Variants in TUSC3 observed in about 807,000 individuals in gnomAD.
The protein encoded by TUSC3 is dolichyl-diphosphooligosaccharide--protein glycosyltransferase subunit TUSC3.
A neutral mutation model predicts 44.8 loss-of-function variants in TUSC3; 45 were observed. The observed-to-expected ratio is 1.00, with a 90% CI of 0.79 to 1.29. The LOEUF (loss-of-function observed/expected upper bound fraction) is 1.29, where lower values mean the gene tolerates loss of function less well. TUSC3 is among the 50% of genes most tolerant of loss of function. The pLI, the probability that TUSC3 is intolerant of heterozygous loss-of-function variation, is 0.00. For missense variants in TUSC3, 519 were observed against 437.9 expected (o/e 1.19, Z -1.65); for synonymous variants, 212 against 152.9 (o/e 1.39, Z -2.85).
chr8:15,524,094 T>C (rs979822972), intron 2 of TUSC3, among the ~76,000 whole-genome samples: 3 of 151,952 alleles, frequency 2.0e-5, no homozygotes, highest in Admixed American at 1.3e-4. Context: ...TGTGTTTGGT[T>C]TGCATTTGAT....
intron 2 of TUSC3, among the ~76,000 whole-genome samples, chr8:15,527,594 A>G (rs1035407901): frequency 3.3e-5 from 5 of 152,278 alleles, no homozygotes; most frequent in South Asian, 4.1e-4. Context: ...TTTGAGAGCT[A>G]TGGTCTTACT....
At chr8:15,566,964 T>C (rs1395719935) in intron 1 of TUSC3, among the ~76,000 whole-genome samples, 1 of 152,134 alleles carries the variant, frequency 6.6e-6, no homozygotes, top group Non-Finnish European at 1.5e-5. Context: ...CATATTTTGG[T>C]CTTCACTTAG....
Position 15,476,352 on chromosome 8 carries a change from A to G in TUSC3, n.92-7034A>G, listed in dbSNP as rs1045625661. 3.3e-5 allele frequency among the ~76,000 whole-genome samples: 5 copies of G among 152,036 alleles called. 1 individual carries two copies. The East Asian group carries it at 5.8e-4, about 18-fold the overall frequency. On this transcript the variant is annotated intron_variant and non_coding_transcript_variant, in intron 1 of 5. Transcript: ENST00000503191. ...TTCTATTATACTTTATCCTTTTTGT[A>G]TAGTTCAGAGGTTTAAAGGATGTGC...
In TUSC3 at chr8:15,681,402, A is replaced by G. The variant is rs376823804; in HGVS notation, c.798+7566A>G. Among the ~76,000 whole-genome samples, 9 of 152,034 alleles carry G rather than the reference A, an allele frequency of 5.9e-5. No individual in the cohort carries two copies. In the East Asian group the frequency reaches 1.4e-3, roughly 23 times the overall value. ...AGTTTCTTCCTGATTCAGTCTTGGA[A>G]GAGTGTATGTTTCCAGGAATTCATC... On this transcript the variant is annotated intron_variant, in intron 6 of 10. Coordinates refer to ENST00000503731, the MANE Select transcript of TUSC3 (RefSeq NM_006765.4).
intron 1 of TUSC3, among the ~76,000 whole-genome samples, chr8:15,453,331 T>A (rs1183590001): frequency 6.6e-6 from 1 of 152,212 alleles, no homozygotes; most frequent in Non-Finnish European, 1.5e-5. Flanking sequence ...ATAAAATGAA[T>A]AAGTATATAT....
At chr8:15,788,376 C>G in the TUSC3 span, among the ~76,000 whole-genome samples, 1 of 151,772 alleles carries the variant, frequency 6.6e-6, no homozygotes, top group African/African-American at 2.4e-5. Flanking sequence ...GGGAAACCCC[C>G]TCTCTACTAA....
chr8:15,554,483 G>A (rs1481180112), intron 1 of TUSC3, among the ~76,000 whole-genome samples: 1 of 151,516 alleles, frequency 6.6e-6, no homozygotes, highest in Non-Finnish European at 1.5e-5. Flanking sequence ...AACTCACAAT[G>A]AAGAAATGTA....
chr8:15,807,815 G>C, the TUSC3 span, among the ~76,000 whole-genome samples: 2 of 152,108 alleles, frequency 1.3e-5, no homozygotes, highest in East Asian at 1.9e-4. Flanking sequence ...TAAACATTGA[G>C]AACTCATGAA....
chr8:15,614,227 A>G (rs1563134479), intron 1 of TUSC3, among the ~76,000 whole-genome samples: 1 of 152,114 alleles, frequency 6.6e-6, no homozygotes, highest in Non-Finnish European at 1.5e-5. Flanking sequence ...TCATGGAAAC[A>G]CTGAGTCTAG....
intron 2 of TUSC3, among the ~76,000 whole-genome samples, chr8:15,526,928 A>G (rs926154561): frequency 6.6e-6 from 1 of 152,196 alleles, no homozygotes; most frequent in African/African-American, 2.4e-5. Context: ...GATGTTGAAG[A>G]GGTTTCTAGA....
chr8:15,432,686 C>T (rs2129117069), intron 1 of TUSC3, among the ~76,000 whole-genome samples: 1 of 152,202 alleles, frequency 6.6e-6, no homozygotes, highest in East Asian at 1.9e-4. Flanking sequence ...ATGTCTCAAT[C>T]TTTTAATGAG....
the TUSC3 span, among the ~76,000 whole-genome samples, chr8:15,818,308 G>C: frequency 6.6e-6 from 1 of 152,134 alleles, no homozygotes. Context: ...ATAACATTGT[G>C]GGACTTCAAT....
intron 1 of TUSC3, among the ~76,000 whole-genome samples, chr8:15,568,358 G>T (rs1368667198): frequency 1.3e-5 from 2 of 152,128 alleles, no homozygotes; most frequent in East Asian, 3.9e-4. Context: ...TTGCCCTCAG[G>T]GAGCTTCTAT....
intron 2 of TUSC3, among the ~76,000 whole-genome samples, chr8:15,534,124 T>A (rs1012828824): frequency 6.6e-6 from 1 of 152,168 alleles, no homozygotes; most frequent in African/African-American, 2.4e-5. Flanking sequence ...CTTTTCCCTT[T>A]GGTTTAGTGA....
chr8:15,500,299 C>T (rs1474725652), intron 2 of TUSC3, among the ~76,000 whole-genome samples: 2 of 152,044 alleles, frequency 1.3e-5, no homozygotes, highest in Admixed American at 6.6e-5. Flanking sequence ...TGTTTTGTTC[C>T]GTATCTAATG....
chr8:15,821,228 A>G, the TUSC3 span, among the ~76,000 whole-genome samples: 1 of 152,100 alleles, frequency 6.6e-6, no homozygotes. Context: ...TCTGGCCTTC[A>G]TGATTGCAGA....
chr8:15,841,761 G>C, the TUSC3 span, among the ~76,000 whole-genome samples: 1 of 152,102 alleles, frequency 6.6e-6, no homozygotes, highest in Non-Finnish European at 1.5e-5. Flanking sequence ...CGATTTGACC[G>C]CCTTGGCCTC....
chr8:15,696,517 C>CT (rs1417387448), intron 6 of TUSC3, among the ~76,000 whole-genome samples: 4 of 152,284 alleles, frequency 2.6e-5, no homozygotes, highest in African/African-American at 9.6e-5. Context: ...AGAGTCCCTG[C>CT]TGGGACACCG....
the TUSC3 span, among the ~76,000 whole-genome samples, chr8:15,772,156 A>G: frequency 1.1e-4 from 17 of 152,124 alleles, no homozygotes; most frequent in Non-Finnish European, 2.9e-5. Flanking sequence ...GAATTGGAAA[A>G]AGAAAAACAA....
Sources: allele counts gnomAD v4.1 joint callset (sites outside exome capture counted in the v4.1 genomes callset), GRCh38; gene constraint gnomAD v4.1.1; transcripts MANE v1.5; gene names NCBI Gene and HGNC (gene_info 2026-07-23, HGNC 2026-07-21).